The following KIAA1210 variants were observed in gnomAD, a reference collection of about 807,000 sequenced individuals.
KIAA1210 encodes KIAA1210.
A neutral mutation model predicts 78.9 loss-of-function variants in KIAA1210; 48 were observed. The ratio of observed to expected loss-of-function variants is 0.61; its 90% CI spans 0.48 to 0.77. The LOEUF (loss-of-function observed/expected upper bound fraction) is 0.77, where lower values mean the gene tolerates loss of function less well. Ranked by LOEUF, KIAA1210 falls within the 30% of genes least tolerant of loss-of-function variation. The probability of loss-of-function intolerance (pLI) is 0.00; values close to 1 mark genes in which losing one functional copy is unlikely to be tolerated. For synonymous variants in KIAA1210, 406 were observed against 404.5 expected, an observed-to-expected ratio of 1.00 and a Z score of -0.04; for missense variants, 1,108 against 1,100.0, an observed-to-expected ratio of 1.01 and a Z score of -0.10.
chrX:119,129,392 A>G (rs1435966325), upstream of KIAA1210, among the ~76,000 whole-genome samples: 1 of 111,618 alleles, frequency 9.0e-6, no homozygotes, highest in Non-Finnish European at 1.9e-5. Context: ...GTGAACAAAA[A>G]TAATGTAAAA....
intron 1 of KIAA1210, among the ~76,000 whole-genome samples, chrX:119,148,667 G>A (rs1169736363): frequency 9.0e-6 from 1 of 111,177 alleles, no homozygotes; most frequent in East Asian, 2.8e-4. Context: ...TATATCTACA[G>A]TAACTAGTTT....
At chrX:119,146,723 T>C (rs1929176727) in intron 2 of KIAA1210, among the ~76,000 whole-genome samples, 1 of 111,169 alleles carries the variant, frequency 9.0e-6, no homozygotes. Context: ...ATCTCCTCCC[T>C]CTGACCCCTA....
intron 1 of KIAA1210, among the ~76,000 whole-genome samples, chrX:119,125,901 G>T (rs1928631718): frequency 1.1e-5 from 1 of 92,255 alleles, no homozygotes. Context: ...TGTGTGGGGG[G>T]TGGGGGTGGG....
chrX:119,090,861 T>A (rs1175872159), intron 8 of KIAA1210, among the ~76,000 whole-genome samples: 1 of 110,642 alleles, frequency 9.0e-6, no homozygotes, highest in Non-Finnish European at 1.9e-5. Context: ...CAGCCTACAC[T>A]GTGAACCAGA....
rs73592464 is a variant in KIAA1210, at chrX:119,096,779, C to T, written c.649-88G>A. ...GATATTCTTCCGGCTGAAGAATTCC[C>T]AAAGAAGAAATCCTTCATGAACTAT... On this transcript the variant is annotated intron_variant, in intron 6 of 11. Coordinates refer to ENST00000691062, the MANE Select transcript of KIAA1210 (RefSeq NM_001394962.1). 4.4e-4 allele frequency: 298 copies of T among 677,905 alleles called. No homozygotes were observed. In the African/African-American group the frequency reaches 6.0e-3, roughly 14 times the overall value. 55.9% of individuals were successfully genotyped at this position (677,905 alleles called of 1,213,427 possible). A position where few individuals can be genotyped will look rare whatever the true frequency, so the allele number is the denominator to read the frequency against.
intron 10 of KIAA1210, among the ~76,000 whole-genome samples, chrX:119,084,240 A>G (rs1197101584): frequency 9.0e-6 from 1 of 110,577 alleles, no homozygotes; most frequent in Non-Finnish European, 1.9e-5. Flanking sequence ...TGCAGGTTTG[A>G]TAAGAGGGGA....
At position 119,109,704 on chromosome X, in the gene KIAA1210, T is replaced by C. The variant is rs1347315523; in HGVS notation, c.231-502A>G. On this transcript the variant is annotated intron_variant, in intron 3 of 11. Coordinates refer to ENST00000691062, the MANE Select transcript of KIAA1210 (RefSeq NM_001394962.1). Reference sequence around the variant, plus strand: ...TTATTACAGTGAGAATTATAAAAGATCTTTCACATCCAAATTTCTCTCGTG... The same window carrying C: ...TTATTACAGTGAGAATTATAAAAGACCTTTCACATCCAAATTTCTCTCGTG... Among the ~76,000 whole-genome samples, 3 of 111,805 alleles carry C rather than the reference T, an allele frequency of 2.7e-5. No homozygotes were observed. In the East Asian group the frequency reaches 8.3e-4, roughly 31 times the overall value.
At position 119,105,107 on chromosome X, in the gene KIAA1210, G is replaced by A. The variant is rs764209643; in HGVS notation, c.533C>T (p.Pro178Leu). 1.6e-5 allele frequency: 19 copies of A among 1,209,994 alleles called. No individual in the cohort carries two copies. The South Asian group carries it at 3.0e-4, about 19-fold the overall frequency. ...SRRRRLSIIPPVIQPEIISKN... is the reference protein window; with the variant it reads ...SRRRRLSIIPLVIQPEIISKN... Reference sequence around the variant, plus strand: ...AGAAATTATTTCAGGTTGGATAACAGGTGGGATGATGCTGAGTCGGCGTCG... The same window carrying A: ...AGAAATTATTTCAGGTTGGATAACAAGTGGGATGATGCTGAGTCGGCGTCG... The change falls in exon 6 of 12, where the codon CCT becomes CTT. Residue 178 changes from proline (P) to leucine (L), a missense_variant. By Grantham distance (98) the Pro-to-Leu change is moderately conservative (BLOSUM62 -3). Around this residue, in one of 5 missense-constraint regions of KIAA1210, gnomAD observed 672 missense variants for 607.1 expected, o/e 1.11. Coordinates refer to ENST00000691062, the MANE Select transcript of KIAA1210 (RefSeq NM_001394962.1).
At position 119,089,329 on chromosome X, in the gene KIAA1210, G is replaced by T; in HGVS notation, c.1373C>A (p.Ala458Glu). 1 of 1,211,526 alleles carries T rather than the reference G, an allele frequency of 8.3e-7. No homozygotes were observed. The highest frequency in any genetic ancestry group is 1.1e-6 in the Non-Finnish European group (1 of 895,342). The change falls in exon 9 of 12, where the codon GCA (alanine) becomes GAA (glutamate). Residue 458 changes from alanine (A) to glutamate (E), a missense_variant. Coordinates refer to ENST00000691062, the MANE Select transcript of KIAA1210 (RefSeq NM_001394962.1). ...GTCCATGTTTTCAGGTATGGGCTGT[G>T]CTGCTGATGCTTTTCTGGATCCGAA... ...IDFGSRKASA[A>E]QPIPENMDNS...
At chrX:119,121,791 C>T (rs1447915901) in intron 2 of KIAA1210, among the ~76,000 whole-genome samples, 1 of 108,167 alleles carries the variant, frequency 9.2e-6, no homozygotes, top group Non-Finnish European at 1.9e-5. Context: ...TTTTTTGAGA[C>T]GGAGTCTCGC....
intron 6 of KIAA1210, among the ~76,000 whole-genome samples, chrX:119,099,577 G>A (rs1309307343): frequency 1.8e-5 from 2 of 112,224 alleles, no homozygotes; most frequent in Admixed American, 1.9e-4. Context: ...CTGTTGTTAG[G>A]TTTAGAGTAT....
At chrX:119,085,832 C>T (rs767302053) in intron 9 of KIAA1210, among the ~76,000 whole-genome samples, 1 of 112,886 alleles carries the variant, frequency 8.9e-6, no homozygotes, top group Admixed American at 9.3e-5. Flanking sequence ...GCCAGGTGGG[C>T]TGGGAAAATC....
At chrX:119,097,970 G>A (rs1282977482) in intron 6 of KIAA1210, among the ~76,000 whole-genome samples, 1 of 111,808 alleles carries the variant, frequency 8.9e-6, no homozygotes, top group Admixed American at 9.5e-5. Context: ...GTTATCTACT[G>A]GAAATATAAA....
At chrX:119,122,061 A>ATTTTTTT (rs781688572) in intron 2 of KIAA1210, among the ~76,000 whole-genome samples, 10 of 56,482 alleles carry the variant, frequency 1.8e-4, no homozygotes, top group Admixed American at 2.8e-4. Flanking sequence ...CGCGCCCGGC[A>ATTTTTTT]TTTTTTTTTT....
In KIAA1210 at chrX:119,086,669, T is replaced by C; in HGVS notation, c.4033A>G (p.Thr1345Ala). The change falls in exon 9 of 12, where the codon ACT becomes GCT. Residue 1345 changes from threonine to alanine, a missense_variant. This residue lies in a region of KIAA1210 where 245 missense variants were observed against 278.8 expected (regional missense o/e 0.88). Transcript: ENST00000691062. Reference sequence around the variant, plus strand: ...GCAGCATCCAGGAGCCCCTGGGAAGTGCTTCTGATTTTATGTCCCCTGCCT... The same window carrying C: ...GCAGCATCCAGGAGCCCCTGGGAAGCGCTTCTGATTTTATGTCCCCTGCCT... ...SVGRGHKIRSTSQGLLDAAGN... is the reference protein window; with the variant it reads ...SVGRGHKIRSASQGLLDAAGN... 8.3e-6 allele frequency: 10 copies of C among 1,211,576 alleles called. No individual in the cohort carries two copies. The highest frequency in any genetic ancestry group is 1.1e-5 in the Non-Finnish European group (10 of 895,373).
intron 5 of KIAA1210, among the ~76,000 whole-genome samples, chrX:119,107,721 A>C (rs1182296212): frequency 8.9e-6 from 1 of 111,910 alleles, no homozygotes; most frequent in African/African-American, 3.2e-5. Flanking sequence ...CCAAATGGAA[A>C]ATAATCATCT....
chrX:119,116,475 C>T, intron 3 of KIAA1210, 21 bp downstream of exon 3: 2 of 1,206,145 alleles, frequency 1.7e-6, no homozygotes, highest in Non-Finnish European at 2.2e-6. Flanking sequence ...CCCCATCACT[C>T]TCCACCGCAT....
chrX:119,128,523 G>C (rs1928706084), upstream of KIAA1210, among the ~76,000 whole-genome samples: 1 of 109,268 alleles, frequency 9.2e-6, no homozygotes, highest in South Asian at 4.1e-4. Flanking sequence ...TCTCTGCCTG[G>C]AGGACTCTTT....
chrX:119,100,247 T>C (rs776592628), intron 6 of KIAA1210, among the ~76,000 whole-genome samples: 2 of 105,963 alleles, frequency 1.9e-5, no homozygotes, highest in African/African-American at 7.0e-5. Context: ...GGAGAGTTGC[T>C]TGAACCCGGG....
Sources: gnomAD v4.1 joint callset for allele counts (sites outside exome capture counted in the v4.1 genomes callset) on GRCh38, gnomAD v4.1.1 for gene constraint, gnomAD v4.1.1 regional missense constraint, MANE v1.5 for transcripts, NCBI Gene and HGNC (gene_info 2026-07-23, HGNC 2026-07-21) for gene names.